The following SLC14A2 variants were observed in gnomAD, a reference collection of about 807,000 sequenced individuals.
SLC14A2 encodes the protein urea transporter 2.
Under a neutral mutation model 104.6 loss-of-function variants are expected in SLC14A2, and 91 were observed. The observed-to-expected ratio is 0.87, with a 90% CI of 0.73 to 1.04. The LOEUF (loss-of-function observed/expected upper bound fraction) is 1.04. Ranked by LOEUF, SLC14A2 falls within the 50% of genes least tolerant of loss-of-function variation. The pLI is 0.00. For synonymous variants in SLC14A2, 476 were observed against 466.4 expected (o/e 1.02, Z -0.27); for missense variants, 1,189 against 1,156.0 (o/e 1.03, Z -0.41).
At chr18:45,524,625 TG>T (rs1385786304) in intron 2 of SLC14A2, among the ~76,000 whole-genome samples, 1 of 152,206 alleles carries the variant, frequency 6.6e-6, no homozygotes, top group South Asian at 2.1e-4. Context: ...CACATACACA[TG>T]AAACTTTGGC....
rs140455810 is a variant in SLC14A2, at chr18:45,677,507, G to T, written c.2513-1468G>T. Among the ~76,000 whole-genome samples the T allele has an allele frequency of 8.5e-5, 13 of 152,324 alleles. 1 individual carries two copies. The East Asian group carries it at 2.5e-3, about 29-fold the overall frequency. ...TTAGCCATGTAATCCTGGGCAAGTTGCTTGAACTCTCCATGCCTGATACTA... is the reference window on the plus strand; with the variant it reads ...TTAGCCATGTAATCCTGGGCAAGTTTCTTGAACTCTCCATGCCTGATACTA... On this transcript the variant is annotated intron_variant, in intron 18 of 19. Coordinates refer to ENST00000255226, the MANE Select transcript of SLC14A2 (RefSeq NM_007163.4).
intron 1 of SLC14A2, among the ~76,000 whole-genome samples, chr18:45,443,781 A>T (rs2542979): frequency 0.83 from 126,736 of 152,072 alleles, 52,799 homozygotes; most frequent in South Asian, 0.93. Context: ...TGTTTTTCTG[A>T]GACCCTACAT....
At chr18:45,605,700 G>A (rs1398104558) in intron 2 of SLC14A2, among the ~76,000 whole-genome samples, 1 of 152,154 alleles carries the variant, frequency 6.6e-6, no homozygotes, top group Non-Finnish European at 1.5e-5. Flanking sequence ...AGGCAGCAGA[G>A]CTAAATTTAG....
At chr18:45,637,657 C>T (rs1047747079) in intron 6 of SLC14A2, among the ~76,000 whole-genome samples, 1 of 152,160 alleles carries the variant, frequency 6.6e-6, no homozygotes, top group Non-Finnish European at 1.5e-5. Context: ...GGTTCTCAGG[C>T]AGGGATAATT....
At chr18:45,530,071 T>C (rs2144829262) in intron 2 of SLC14A2, among the ~76,000 whole-genome samples, 2 of 152,302 alleles carry the variant, frequency 1.3e-5, no homozygotes, top group Middle Eastern at 3.4e-3. Flanking sequence ...AAACATGATA[T>C]GGTATACAAG....
chr18:45,388,252 T>TG (rs1329261832), intron 1 of SLC14A2, among the ~76,000 whole-genome samples: 1 of 151,730 alleles, frequency 6.6e-6, no homozygotes, highest in African/African-American at 2.4e-5. Flanking sequence ...TTAGTAGAGA[T>TG]GGGGTCTCAC....
intron 1 of SLC14A2, among the ~76,000 whole-genome samples, chr18:45,463,511 C>T (rs915348748): frequency 1.3e-5 from 2 of 152,200 alleles, no homozygotes; most frequent in African/African-American, 2.4e-5. Context: ...GGCCACATTG[C>T]GAAAAGCAAG....
chr18:45,463,044 C>A (rs2087074186), intron 1 of SLC14A2, among the ~76,000 whole-genome samples: 1 of 152,178 alleles, frequency 6.6e-6, no homozygotes, highest in South Asian at 2.1e-4. Context: ...TACAGAATAT[C>A]TTTGGAAGCC....
intron 1 of SLC14A2, among the ~76,000 whole-genome samples, chr18:45,261,756 C>A (rs536053716): frequency 6.6e-6 from 1 of 152,294 alleles, no homozygotes; most frequent in South Asian, 2.1e-4. Context: ...TTTATGGCTG[C>A]ATAGTATTCC....
At chr18:45,635,798 A>G (rs1410879230) in intron 5 of SLC14A2, among the ~76,000 whole-genome samples, 2 of 152,208 alleles carry the variant, frequency 1.3e-5, no homozygotes, top group African/African-American at 4.8e-5. Context: ...GAAAAAGAAG[A>G]GATTGAAGCT....
intron 1 of SLC14A2, among the ~76,000 whole-genome samples, chr18:45,316,073 C>A (rs2085126485): frequency 6.6e-6 from 1 of 152,132 alleles, no homozygotes; most frequent in Admixed American, 6.5e-5. Flanking sequence ...CCAGAGGGAG[C>A]AAGTACCCCA....
chr18:45,676,593 A>T (rs2046233198), intron 18 of SLC14A2, among the ~76,000 whole-genome samples: 1 of 151,804 alleles, frequency 6.6e-6, no homozygotes, highest in Admixed American at 6.5e-5. Context: ...GTCATACCTG[A>T]GGCTGGGGGA....
At chr18:45,272,903 A>T (rs931362564) in intron 1 of SLC14A2, among the ~76,000 whole-genome samples, 4 of 152,022 alleles carry the variant, frequency 2.6e-5, no homozygotes, top group Non-Finnish European at 4.4e-5. Context: ...ACACACAAAA[A>T]TTTTTTTAAA....
intron 1 of SLC14A2, among the ~76,000 whole-genome samples, chr18:45,241,800 C>T (rs112920798): frequency 0.022 from 3,297 of 151,986 alleles, 97 homozygotes; most frequent in African/African-American, 0.075. Flanking sequence ...TGTACCACCA[C>T]GCCCAGTTAA....
At chr18:45,169,318 G>A in the SLC14A2 span, among the ~76,000 whole-genome samples, 5 of 152,166 alleles carry the variant, frequency 3.3e-5, no homozygotes, top group Non-Finnish European at 7.4e-5. Context: ...TTTTGTTGAT[G>A]CTCTTTGGTG....
chr18:45,247,422 A>G (rs2084377490), intron 1 of SLC14A2, among the ~76,000 whole-genome samples: 1 of 152,214 alleles, frequency 6.6e-6, no homozygotes, highest in South Asian at 2.1e-4. Context: ...GGAGGCCTGG[A>G]CCTATGACCT....
intron 2 of SLC14A2, among the ~76,000 whole-genome samples, chr18:45,593,555 T>A (rs1288730166): frequency 1.5e-5 from 2 of 132,798 alleles, no homozygotes; most frequent in Non-Finnish European, 3.1e-5. Context: ...AGTGGCACGA[T>A]CTCGGCTCAC....
intron 1 of SLC14A2, among the ~76,000 whole-genome samples, chr18:45,300,543 C>T (rs531519681): frequency 6.6e-6 from 1 of 152,132 alleles, no homozygotes; most frequent in East Asian, 1.9e-4. Flanking sequence ...AGAAAAAGTT[C>T]ATTACCCATT....
Position 45,235,899 on chromosome 18 carries a change from G to A in SLC14A2, c.-125+22708G>A, listed in dbSNP as rs148191168. On this transcript the variant is annotated intron_variant, in intron 1 of 20. Coordinates refer to the SLC14A2 transcript ENST00000586448. Reference sequence around the variant, plus strand: ...TGTATATATACATATATGTGTGTATGTATGTATATATACATATATGTGTGT... The same window carrying A: ...TGTATATATACATATATGTGTGTATATATGTATATATACATATATGTGTGT... Among the ~76,000 whole-genome samples, 341 of 62,734 alleles carry A rather than the reference G, an allele frequency of 5.4e-3. 51 individuals are homozygous for A. Among genetic ancestry groups the A allele is most frequent in the African/African-American group, 0.017 (202 of 11,698 alleles). The allele number at this position is 62,734 out of a possible 152,430, so 41.2% of individuals were successfully genotyped here.
Sources: gnomAD v4.1 joint callset for allele counts (sites outside exome capture counted in the v4.1 genomes callset) on GRCh38, gnomAD v4.1.1 for gene constraint, MANE v1.5 for transcripts, NCBI Gene and HGNC (gene_info 2026-07-23, HGNC 2026-07-21) for gene names.